Variants in CDC37 observed in about 807,000 individuals in gnomAD.
The protein encoded by CDC37 is hsp90 co-chaperone Cdc37.
In CDC37, 9 loss-of-function variants were observed where a neutral mutation model predicts 46.9. That is an observed-to-expected ratio of 0.19 (90% CI 0.12 to 0.33). The LOEUF is 0.33. Among genes scored for constraint, CDC37 ranks in the 10% least tolerant of loss-of-function variants. The pLI, the probability that CDC37 is intolerant of heterozygous loss-of-function variation, is 1.00. For synonymous variants in CDC37, 193 were observed against 191.0 expected, an observed-to-expected ratio of 1.01 and a Z score of -0.09; for missense variants, 388 against 514.6, an observed-to-expected ratio of 0.75 and a Z score of 2.38.
chr19:10,396,112 T>C lies in CDC37; in HGVS notation c.194A>G (p.Gln65Arg). The change falls in exon 2 of 8, where the codon CAG (glutamine) becomes CGG (arginine). Residue 65 changes from glutamine to arginine, a missense_variant. Transcript: ENST00000222005. This position sits in a 1 kb window ranked among gnomAD's most constrained non-coding sequence, Gnocchi z 5.9. ...RECKRKVAEC[Q>R]RKLKELEVAE... Reference sequence around the variant, plus strand: ...CACCTCCAGCTCCTTCAGTTTCCTCTGGCACTCGGCCACCTTGCGCTTGCA... The same window carrying C: ...CACCTCCAGCTCCTTCAGTTTCCTCCGGCACTCGGCCACCTTGCGCTTGCA... The C allele has an allele frequency of 6.2e-7, 1 of 1,614,084 alleles. No individual in the cohort carries two copies. The highest frequency in any genetic ancestry group is 8.5e-7 in the Non-Finnish European group (1 of 1,179,978).
intron 1 of CDC37, among the ~76,000 whole-genome samples, chr19:10,402,136 G>A (rs10411521): frequency 0.029 from 3,522 of 121,370 alleles, 152 homozygotes; most frequent in African/African-American, 0.11. Flanking sequence ...CAGCCTGGGC[G>A]ACAAGAAGGA....
At chr19:10,401,844 T>C (rs2042520068) in intron 1 of CDC37, among the ~76,000 whole-genome samples, 1 of 151,992 alleles carries the variant, frequency 6.6e-6, no homozygotes, top group South Asian at 2.1e-4. Context: ...TTCTGAGAGG[T>C]ATATGCCCTT....
rs138014063 is a variant in CDC37, at chr19:10,393,286, G to A, written c.882C>T (p.Pro294=). Residue 294 remains proline, a synonymous_variant, in exon 6 of 8, where the codon CCC becomes CCT. Transcript: ENST00000222005. This position sits in a 1 kb window ranked among gnomAD's most constrained non-coding sequence, Gnocchi z 4.9. The part of the protein sequence containing the change: ...KKRLGPGGLD[P]VEVYESLPEE... Reference sequence around the variant, plus strand: ...CAGGGAGGGACTCGTAGACCTCGACGGGGTCCAGGCCGCCGGGGCCGAGCC... The same window carrying A: ...CAGGGAGGGACTCGTAGACCTCGACAGGGTCCAGGCCGCCGGGGCCGAGCC... The A allele has an allele frequency of 2.0e-4, 320 of 1,613,410 alleles. No homozygotes were observed. The highest frequency in any genetic ancestry group is 2.4e-4 in the Non-Finnish European group (283 of 1,179,690).
rs2042453892 is a variant in CDC37 at position 10,391,147 on chromosome 19, TTTTA to T, written c.*400_*403del. ...AGCAGCCCAGAGAGCATCTGAAATC[TTTTA>T]TTGGAAGATCATTGCTGTTTGCCAA... On this transcript the variant is annotated 3_prime_UTR_variant, in exon 8 of 8. Coordinates refer to ENST00000222005, the MANE Select transcript of CDC37 (RefSeq NM_007065.4). 1 of 257,004 alleles carries T rather than the reference TTTTA, an allele frequency of 3.9e-6. No homozygotes were observed. The highest frequency in any genetic ancestry group is 7.7e-6 in the Non-Finnish European group (1 of 129,050). The allele number at this position is 257,004 out of a possible 1,614,324, so 15.9% of individuals were successfully genotyped here. A position where few individuals can be genotyped will look rare whatever the true frequency, so the allele number is the denominator to read the frequency against.
At chr19:10,394,100 AAAC>A (rs1183697905) in intron 5 of CDC37, among the ~76,000 whole-genome samples, 7 of 151,912 alleles carry the variant, frequency 4.6e-5, no homozygotes, top group South Asian at 2.1e-4. Flanking sequence ...AAAAAAAACA[AAAC>A]AACAACAACA....
chr19:10,396,258 C>T lies in CDC37; in HGVS notation c.103-55G>A. 6.4e-7 allele frequency: 1 copy of T among 1,554,210 alleles called. No homozygotes were observed. On this transcript the variant is annotated intron_variant, in intron 1 of 7. Coordinates refer to ENST00000222005, the MANE Select transcript of CDC37 (RefSeq NM_007065.4). This position sits in a 1 kb window ranked among gnomAD's most constrained non-coding sequence, Gnocchi z 5.9. ...GGGAGTCGTCTGTCCCTTACCCCCG[C>T]CCCATACCCAATCCCTGCACCGGAG...
At chr19:10,392,781 C>T (rs1422836111) in intron 7 of CDC37, 10 of 459,166 alleles carry the variant, frequency 2.2e-5, no homozygotes, top group South Asian at 1.9e-4. Flanking sequence ...CCCTTTCCCA[C>T]GCATTTTGTG....
At position 10,396,354 on chromosome 19, in the gene CDC37, G is replaced by T; in HGVS notation, c.103-151C>A. ...CCCAGCTTCCGCCCCTGCGCCCACA[G>T]GTGCCAGCGCACACCCAAGTGGGGT... On this transcript the variant is annotated intron_variant, in intron 1 of 7. Coordinates refer to ENST00000222005, the MANE Select transcript of CDC37 (RefSeq NM_007065.4). This position sits in a 1 kb window ranked among gnomAD's most constrained non-coding sequence, Gnocchi z 5.9. 1.1e-6 allele frequency: 1 copy of T among 898,124 alleles called. No individual in the cohort carries two copies. Among genetic ancestry groups the T allele is most frequent in the Non-Finnish European group, 1.7e-6 (1 of 602,376 alleles). The allele number at this position is 898,124 out of a possible 1,614,324, so 55.6% of individuals were successfully genotyped here. A position where few individuals can be genotyped will look rare whatever the true frequency, so the allele number is the denominator to read the frequency against.
chr19:10,391,211 CAG>C lies in CDC37; in HGVS notation c.*338_*339del, dbSNP rs2042454216. On this transcript the variant is annotated 3_prime_UTR_variant, in exon 8 of 8. Coordinates refer to ENST00000222005, the MANE Select transcript of CDC37 (RefSeq NM_007065.4). ...ACAGACAGCAGACGAACAGTGAAAA[CAG>C]AGCCCAGTGACGAGAGCCGGCCCCT... 8.5e-6 allele frequency: 3 copies of C among 351,598 alleles called. No individual in the cohort carries two copies. The highest frequency in any genetic ancestry group is 4.7e-5 in the Admixed American group (1 of 21,164). The allele number at this position is 351,598 out of a possible 1,614,324, so 21.8% of individuals were successfully genotyped here. A position where few individuals can be genotyped will look rare whatever the true frequency, so the allele number is the denominator to read the frequency against.
In CDC37 at chr19:10,403,536, G is replaced by T. The variant is rs1466397864; in HGVS notation, c.-57C>A. The stretch of plus-strand genomic sequence containing the variant: ...GGGTGGCGGCGACGGCGGCAGCAGT[G>T]GAGACTAGGAGCGCGGAGCCCCGCC... On this transcript the variant is annotated 5_prime_UTR_variant, in exon 1 of 8. Coordinates refer to ENST00000222005, the MANE Select transcript of CDC37 (RefSeq NM_007065.4). 1.5e-6 allele frequency: 2 copies of T among 1,312,270 alleles called. No individual in the cohort carries two copies. The highest frequency in any genetic ancestry group is 2.2e-6 in the Non-Finnish European group (2 of 918,870). The allele number at this position is 1,312,270 out of a possible 1,614,324, so 81.3% of individuals were successfully genotyped here. A position where few individuals can be genotyped will look rare whatever the true frequency, so the allele number is the denominator to read the frequency against.
At position 10,393,571 on chromosome 19, in the gene CDC37, A is replaced by T; in HGVS notation, c.727-130T>A. 1 of 973,066 alleles carries T rather than the reference A, an allele frequency of 1.0e-6. No individual in the cohort carries two copies. The highest frequency in any genetic ancestry group is 1.5e-6 in the Non-Finnish European group (1 of 677,494). 60.3% of individuals were successfully genotyped at this position (973,066 alleles called of 1,614,324 possible). On this transcript the variant is annotated intron_variant, in intron 5 of 7. Coordinates refer to ENST00000222005, the MANE Select transcript of CDC37 (RefSeq NM_007065.4). This position sits in a 1 kb window ranked among gnomAD's most constrained non-coding sequence, Gnocchi z 4.9. Reference sequence around the variant, plus strand: ...CCCAAGTCTATTCCTGACCTACATGAAGGGCTCCCCAAGGCCTGGGCTCCC... The same window carrying T: ...CCCAAGTCTATTCCTGACCTACATGTAGGGCTCCCCAAGGCCTGGGCTCCC...
chr19:10,394,285 A>G (rs1036816109), intron 5 of CDC37, among the ~76,000 whole-genome samples: 7 of 151,480 alleles, frequency 4.6e-5, no homozygotes, highest in Admixed American at 1.3e-4. Flanking sequence ...AAAACCCAAA[A>G]CCCTAGAGGC....
rs1275981403 is a variant in CDC37, at chr19:10,396,023, C to T, written c.283G>A (p.Glu95Lys). 6.2e-7 allele frequency: 1 copy of T among 1,614,012 alleles called. No individual in the cohort carries two copies. Among genetic ancestry groups the T allele is most frequent in the Non-Finnish European group, 8.5e-7 (1 of 1,179,950 alleles). The change falls in exon 2 of 8, where the codon GAG (glutamate) becomes AAG (lysine). Residue 95 changes from glutamate (E) to lysine (K), a missense_variant. By Grantham distance (56) the Glu-to-Lys change is moderately conservative. Coordinates refer to ENST00000222005, the MANE Select transcript of CDC37 (RefSeq NM_007065.4). The surrounding 1 kb of genome is among the most constrained non-coding windows in gnomAD (Gnocchi z 5.9). ...QAEAQQLRKEERSWEQKLEEM... is the reference protein window; with the variant it reads ...QAEAQQLRKEKRSWEQKLEEM... The stretch of plus-strand genomic sequence containing the variant: ...TCCAGCTTCTGCTCCCAGCTCCGCT[C>T]CTCCTTGCGCAGCTGCTGTGCCTCG...
intron 4 of CDC37, 37 bp from the exon 5 acceptor site, chr19:10,395,180 G>A (rs757313823): frequency 2.8e-5 from 45 of 1,610,610 alleles, no homozygotes; most frequent in Non-Finnish European, 3.2e-5. Context: ...ACCAAGTGGC[G>A]GCCTCATGGC....
At chr19:10,402,936 G>A (rs763472306) in intron 1 of CDC37, among the ~76,000 whole-genome samples, 4 of 151,992 alleles carry the variant, frequency 2.6e-5, no homozygotes, top group Non-Finnish European at 5.9e-5. Flanking sequence ...CAAAGTATTG[G>A]GGGTCCAGAC....
At chr19:10,394,041 G>A (rs763409938) in intron 5 of CDC37, among the ~76,000 whole-genome samples, 3 of 152,134 alleles carry the variant, frequency 2.0e-5, no homozygotes, top group Non-Finnish European at 2.9e-5. Context: ...AGTGAGCCGA[G>A]ATCGTGCTAC....
chr19:10,391,742 C>A, intron 7 of CDC37, 36 bp from the exon 8 acceptor site: 1 of 1,604,116 alleles, frequency 6.2e-7, no homozygotes. Flanking sequence ...GGTGGGGCCG[C>A]CAGCCGGTGG....
At position 10,395,464 on chromosome 19, in the gene CDC37, T is replaced by C; in HGVS notation, c.458A>G (p.Glu153Gly). 6.2e-7 allele frequency: 1 copy of C among 1,614,160 alleles called. No homozygotes were observed. Among genetic ancestry groups the C allele is most frequent in the South Asian group, 1.1e-5 (1 of 91,090 alleles). Residue 153 changes from glutamate to glycine, a missense_variant, in exon 3 of 8, where the codon GAA becomes GGA. Around this residue, in one of 2 missense-constraint regions of CDC37, gnomAD observed 374 missense variants for 467.4 expected, o/e 0.80. Coordinates refer to ENST00000222005, the MANE Select transcript of CDC37 (RefSeq NM_007065.4). ...GTGCTTGATCTGTTTCTCGTATTTT[T>C]CCACGAAGGTCTTGTGTTTCTGCTC... The part of the protein sequence containing the change: ...VREQKHKTFV[E>G]KYEKQIKHFG...
Position 10,396,143 on chromosome 19 carries a change from G to T in CDC37, c.163C>A (p.Arg55Ser). 6.2e-7 allele frequency: 1 copy of T among 1,613,908 alleles called. No homozygotes were observed. Among genetic ancestry groups the T allele is most frequent in the Non-Finnish European group, 8.5e-7 (1 of 1,179,970 alleles). Residue 55 changes from arginine to serine, a missense_variant, in exon 2 of 8, where the codon CGC becomes AGC. Transcript: ENST00000222005. The surrounding 1 kb of genome is among the most constrained non-coding windows in gnomAD (Gnocchi z 5.9). Reference protein sequence around the residue: ...KEKEELDRGCRECKRKVAECQ... With the variant: ...KEKEELDRGCSECKRKVAECQ... The stretch of plus-strand genomic sequence containing the variant: ...TCGGCCACCTTGCGCTTGCACTCGC[G>T]GCAGCCCCTGTCCAGTTCCTCCTTC...
Sources: allele counts gnomAD v4.1 joint callset (sites outside exome capture counted in the v4.1 genomes callset), GRCh38; gene constraint gnomAD v4.1.1; regional missense constraint gnomAD v4.1.1; non-coding constraint Gnocchi (gnomAD v3.1); transcripts MANE v1.5; gene names NCBI Gene and HGNC (gene_info 2026-07-23, HGNC 2026-07-21).